The following ARAP3 variants were observed in gnomAD, a reference collection of about 807,000 sequenced individuals.
The protein encoded by ARAP3 is ArfGAP with RhoGAP domain, ankyrin repeat and PH domain 3, also known as arf-GAP with Rho-GAP domain, ANK repeat and PH domain-containing protein 3.
Under a neutral mutation model 169.2 loss-of-function variants are expected in ARAP3, and 82 were observed. That is an observed-to-expected ratio of 0.48 (90% CI 0.41 to 0.58). ARAP3 has a LOEUF of 0.58. Ranked by LOEUF, ARAP3 falls within the 20% of genes least tolerant of loss-of-function variation. The pLI is 0.00. For synonymous variants in ARAP3, 791 were observed against 800.3 expected (o/e 0.99, Z 0.20); for missense variants, 1,764 against 2,018.0 (o/e 0.87, Z 2.41).
At chr5:141,669,657 C>T (rs4912767) in intron 16 of ARAP3, 52 bp downstream of exon 16, 36 of 1,543,102 alleles carry the variant, frequency 2.3e-5, no homozygotes, top group African/African-American at 5.5e-5. Flanking sequence ...GATGGGAGCA[C>T]GTGGGGACAA....
In ARAP3 at chr5:141,680,337, G is replaced by A. The variant is rs372589227; in HGVS notation, c.150C>T (p.Ser50=). ...GHEELKQLGI[S]ATGHRKRILR... ...GAATGCGTTTCCGGTGCCCTGTGGC[G>A]CTGATGCCCAACTGCTTCAACTCCT... Residue 50 remains serine, a synonymous_variant, in exon 2 of 33, where the codon AGC becomes AGT. Coordinates refer to ENST00000239440, the MANE Select transcript of ARAP3 (RefSeq NM_022481.6). 6.1e-5 allele frequency: 98 copies of A among 1,614,222 alleles called. No homozygotes were observed. In the South Asian group the frequency reaches 6.4e-4, roughly 10 times the overall value.
chr5:141,681,917 G>C (rs2099913057), intron 1 of ARAP3, among the ~76,000 whole-genome samples: 1 of 151,986 alleles, frequency 6.6e-6, no homozygotes, highest in Non-Finnish European at 1.5e-5. Context: ...TCGACAGCAC[G>C]GGGCTGGGAG....
intron 25 of ARAP3, among the ~76,000 whole-genome samples, chr5:141,657,761 G>A (rs1169182306): frequency 5.3e-5 from 8 of 152,184 alleles, no homozygotes; most frequent in African/African-American, 1.9e-4. Context: ...CAGGTTTCTG[G>A]CCTTAATCAC....
rs757817986 is a variant in ARAP3, at chr5:141,680,306, G to A, written c.181C>T (p.Leu61=). 8 of 1,614,116 alleles carry A rather than the reference G, an allele frequency of 5.0e-6. No homozygotes were observed. Among genetic ancestry groups the A allele is most frequent in the Non-Finnish European group, 6.8e-6 (8 of 1,180,038 alleles). Residue 61 remains leucine, a synonymous_variant, in exon 2 of 33, where the codon CTG becomes TTG. Coordinates refer to ENST00000239440, the MANE Select transcript of ARAP3 (RefSeq NM_022481.6). ...CCCTCTTCGGTGCCTGTCTGTAGCA[G>A]GCGTAGAATGCGTTTCCGGTGCCCT... The part of the protein sequence containing the change: ...ATGHRKRILR[L]LQTGTEEGSL...
At chr5:141,680,551 C>T (rs1165866617) in intron 1 of ARAP3, 48 bp from the exon 2 acceptor site, 5 of 1,513,688 alleles carry the variant, frequency 3.3e-6, no homozygotes, top group Non-Finnish European at 4.4e-6. Context: ...GAGAATCCCC[C>T]TCTCTGCCCC....
At chr5:141,670,430 T>C in intron 14 of ARAP3, 82 bp downstream of exon 14, 3 of 1,418,308 alleles carry the variant, frequency 2.1e-6, no homozygotes, top group Non-Finnish European at 3.0e-6. Context: ...ATCCCAGCCC[T>C]CTCCTCTTTG....
intron 27 of ARAP3, 68 bp downstream of exon 27, chr5:141,656,436 G>C: frequency 6.3e-7 from 1 of 1,582,950 alleles, no homozygotes; most frequent in South Asian, 1.1e-5. Flanking sequence ...GGAGTCAGAG[G>C]GTGGGTGCAG....
rs995392164 is a variant in ARAP3 at position 141,655,442 on chromosome 5, A to G, written c.4111-42T>C. ...TGGGGACAAGGGGAAGGAAAGACAT[A>G]AAGACACAGTGAGGACTAGCAACAG... On this transcript the variant is annotated intron_variant, in intron 31 of 32. Coordinates refer to ENST00000239440, the MANE Select transcript of ARAP3 (RefSeq NM_022481.6). 6 of 1,585,416 alleles carry G rather than the reference A, an allele frequency of 3.8e-6. No homozygotes were observed. The African/African-American group carries it at 6.7e-5, about 18-fold the overall frequency.
At position 141,671,955 on chromosome 5, in the gene ARAP3, C is replaced by A; in HGVS notation, c.1611G>T (p.Gly537=). 6.2e-7 allele frequency: 1 copy of A among 1,614,180 alleles called. No homozygotes were observed. The highest frequency in any genetic ancestry group is 1.6e-4 in the Middle Eastern group (1 of 6,062). ...CAGQHRALGS[G]ISKVQSLKLD... ...GCTTCAGGCTCTGCACCTTGGAGAT[C>A]CCAGAACCCAGGGCCCGGTGCTGAC... Residue 537 remains glycine, a synonymous_variant, in exon 11 of 33, where the codon GGG becomes GGT. Transcript: ENST00000239440. The surrounding 1 kb of genome is among the most constrained non-coding windows in gnomAD (Gnocchi z 4.9).
chr5:141,659,143 T>C (rs2099909611), intron 23 of ARAP3, among the ~76,000 whole-genome samples: 2 of 152,202 alleles, frequency 1.3e-5, no homozygotes, highest in African/African-American at 4.8e-5. Context: ...TCTCACTTGA[T>C]GTTCCCACAG....
At chr5:141,654,475 A>C in intron 32 of ARAP3, 40 bp from the exon 33 acceptor site, 1 of 1,315,740 alleles carries the variant, frequency 7.6e-7, no homozygotes, top group South Asian at 1.3e-5. Flanking sequence ...CACATAGTTA[A>C]AGTTACCAGA....
At position 141,679,585 on chromosome 5, in the gene ARAP3, T is replaced by C; in HGVS notation, c.658A>G (p.Arg220Gly). The C allele has an allele frequency of 2.5e-6, 4 of 1,614,178 alleles. No individual in the cohort carries two copies. Among genetic ancestry groups the C allele is most frequent in the Non-Finnish European group, 3.4e-6 (4 of 1,180,030 alleles). The change falls in exon 4 of 33, where the codon AGA (arginine) becomes GGA (glycine). Residue 220 changes from arginine to glycine, a missense_variant. Around this residue, in one of 3 missense-constraint regions of ARAP3, gnomAD observed 630 missense variants for 678.7 expected, o/e 0.93. Coordinates refer to ENST00000239440, the MANE Select transcript of ARAP3 (RefSeq NM_022481.6). ...CCCTGACAAACACCTCTGCTCTCTC[T>C]TCTGTCGGGGGCTCCTGGAGTCCCC... is the stretch of plus-strand genomic sequence containing the variant. ...PVGTPGAPDR[R>G]ESRGVCQGRA...
rs1596487323 is a variant in ARAP3 at position 141,669,746 on chromosome 5, G to A, written c.2315C>T (p.Ala772Val). The change falls in exon 16 of 33, where the codon GCT becomes GTT. Residue 772 changes from alanine (A) to valine (V), a missense_variant. Ala to Val is a moderately conservative substitution (Grantham distance 64). Coordinates refer to ENST00000239440, the MANE Select transcript of ARAP3 (RefSeq NM_022481.6). ...ACTAGTCCAGGCCTCCAGACTGTCA[G>A]CTCCATCTGTGCCAAAATGCTGGAT... Reference protein sequence around the residue: ...GRIQHFGTDGADSLEAWTSAV... With the variant: ...GRIQHFGTDGVDSLEAWTSAV... The A allele has an allele frequency of 1.1e-5, 18 of 1,614,008 alleles. No homozygotes were observed. The highest frequency in any genetic ancestry group is 1.6e-4 in the Middle Eastern group (1 of 6,080).
At chr5:141,655,318 T>C in intron 32 of ARAP3, 44 bp downstream of exon 32, 9 of 1,557,482 alleles carry the variant, frequency 5.8e-6, no homozygotes, top group Non-Finnish European at 7.8e-6. Flanking sequence ...CACAGAGGAA[T>C]ACAGGGTTGA....
chr5:141,661,876 G>T, intron 20 of ARAP3, 87 bp from the exon 21 acceptor site: 1 of 1,483,774 alleles, frequency 6.7e-7, no homozygotes. Context: ...AGGCACAAAT[G>T]CAGGATGGAT....
intron 26 of ARAP3, 28 bp from the exon 27 acceptor site, chr5:141,656,665 G>C: frequency 6.2e-7 from 1 of 1,613,452 alleles, no homozygotes; most frequent in Non-Finnish European, 8.5e-7. Context: ...ATCCTGGGTG[G>C]AGGATGCTAG....
At position 141,679,569 on chromosome 5, in the gene ARAP3, A is replaced by G. The variant is rs753713671; in HGVS notation, c.674T>C (p.Val225Ala). Reference protein sequence around the residue: ...GAPDRRESRGVCQGRAEHRLS... With the variant: ...GAPDRRESRGACQGRAEHRLS... ...CCTGTGTTCAGCCCTGCCCTGACAAACACCTCTGCTCTCTCTTCTGTCGGG... is the reference window on the plus strand; with the variant it reads ...CCTGTGTTCAGCCCTGCCCTGACAAGCACCTCTGCTCTCTCTTCTGTCGGG... Residue 225 changes from valine (V) to alanine (A), a missense_variant, in exon 4 of 33, where the codon GTT (valine) becomes GCT (alanine). Val to Ala is a moderately conservative substitution (Grantham distance 64). Around this residue, in one of 3 missense-constraint regions of ARAP3, gnomAD observed 630 missense variants for 678.7 expected, o/e 0.93. Transcript: ENST00000239440. The G allele has an allele frequency of 6.2e-7, 1 of 1,614,054 alleles. No individual in the cohort carries two copies. The highest frequency in any genetic ancestry group is 8.5e-7 in the Non-Finnish European group (1 of 1,180,004).
rs1391328798 is a variant in ARAP3 at position 141,671,758 on chromosome 5, G to C, written c.1672-6C>G. ...TTTCCCAGGACAATGAATAACTGTG[G>C]GATGACAAGGGACAAAGGCAGGTGA... On this transcript the variant is annotated splice_polypyrimidine_tract_variant and splice_region_variant and intron_variant, in intron 11 of 32. Transcript: ENST00000239440. The surrounding 1 kb of genome is among the most constrained non-coding windows in gnomAD (Gnocchi z 4.9). The C allele has an allele frequency of 6.3e-7, 1 of 1,596,284 alleles. No individual in the cohort carries two copies. The highest frequency in any genetic ancestry group is 8.5e-7 in the Non-Finnish European group (1 of 1,170,164).
chr5:141,661,861 T>C (rs920930675), intron 20 of ARAP3, 72 bp from the exon 21 acceptor site: 14 of 1,549,600 alleles, frequency 9.0e-6, no homozygotes, highest in Middle Eastern at 1.7e-4. Flanking sequence ...GAGGGAGGGA[T>C]TTTTAGGCAC....
Sources: gnomAD v4.1 joint callset for allele counts (sites outside exome capture counted in the v4.1 genomes callset) on GRCh38, gnomAD v4.1.1 for gene constraint, gnomAD v4.1.1 regional missense constraint, Gnocchi (gnomAD v3.1) non-coding constraint, MANE v1.5 for transcripts, NCBI Gene and HGNC (gene_info 2026-07-23, HGNC 2026-07-21) for gene names.